Variants in ANKMY1 observed in about 807,000 individuals in gnomAD.
ANKMY1 encodes ankyrin repeat and MYND domain containing 1.
Under a neutral mutation model 102.0 loss-of-function variants are expected in ANKMY1, and 98 were observed. That is an observed-to-expected ratio of 0.96 (90% CI 0.82 to 1.14). The LOEUF is 1.14. Ranked by LOEUF, ANKMY1 falls within the 50% of genes most tolerant of loss-of-function variation. ANKMY1 has a pLI of 0.00. For synonymous variants in ANKMY1, 582 were observed against 559.9 expected, an observed-to-expected ratio of 1.04 and a Z score of -0.56; for missense variants, 1,330 against 1,347.6, an observed-to-expected ratio of 0.99 and a Z score of 0.20.
chr2:240,520,391 C>A lies in ANKMY1; in HGVS notation c.1975G>T (p.Ala659Ser), dbSNP rs528225325. Residue 659 changes from alanine (A) to serine (S), a missense_variant, in exon 9 of 18, where the codon GCG (alanine) becomes TCG (serine). By Grantham distance (99) the Ala-to-Ser change is moderately conservative. Coordinates refer to ENST00000401804, the MANE Select transcript of ANKMY1 (RefSeq NM_001282771.3). This position sits in a 1 kb window ranked among gnomAD's most constrained non-coding sequence, Gnocchi z 4.8. ...GGCGGAAAGCAGATGTCGGTCCTCG[C>A]CCCGTGCTCCAGCAGCAGCCTCACC... ...DGVRLLLEHG[A>S]RTDICFPPQL... is the part of the protein sequence containing the mutation. 3.8e-6 allele frequency: 6 copies of A among 1,585,882 alleles called. No individual in the cohort carries two copies. The highest frequency in any genetic ancestry group is 1.1e-5 in the South Asian group (1 of 87,762).
Position 240,523,873 on chromosome 2 carries a change from G to A in ANKMY1, c.1832+12C>T. 1.2e-6 allele frequency: 2 copies of A among 1,606,954 alleles called. No individual in the cohort carries two copies. The highest frequency in any genetic ancestry group is 2.2e-5 in the South Asian group (2 of 90,866). ...TGGCCCTCCACCCCCACCAGCTGGT[G>A]CCAGGACCTACTCGATCATGGACAG... On this transcript the variant is annotated intron_variant, in intron 8 of 17. Coordinates refer to ENST00000401804, the MANE Select transcript of ANKMY1 (RefSeq NM_001282771.3).
rs763041121 is a variant in ANKMY1, at chr2:240,520,404, C to G, written c.1962G>C (p.Leu654=). The G allele has an allele frequency of 1.3e-5, 21 of 1,600,140 alleles. No individual in the cohort carries two copies. The Admixed American group carries it at 3.6e-4, about 28-fold the overall frequency. The change falls in exon 9 of 18, where the codon CTG becomes CTC. Residue 654 remains leucine (L), a synonymous_variant. Coordinates refer to ENST00000401804, the MANE Select transcript of ANKMY1 (RefSeq NM_001282771.3). The surrounding 1 kb of genome is among the most constrained non-coding windows in gnomAD (Gnocchi z 4.8). ...KAGDVDGVRL[L]LEHGARTDIC... ...TGTCGGTCCTCGCCCCGTGCTCCAG[C>G]AGCAGCCTCACCCCATCCACGTCCC...
At chr2:240,483,836 G>A (rs975532116) in intron 15 of ANKMY1, among the ~76,000 whole-genome samples, 2 of 151,758 alleles carry the variant, frequency 1.3e-5, no homozygotes, top group Non-Finnish European at 2.9e-5. Flanking sequence ...TCCTCCCCTA[G>A]CCCCCCACCC....
At chr2:240,485,761 A>T (rs2075986534) in intron 15 of ANKMY1, among the ~76,000 whole-genome samples, 1 of 151,768 alleles carries the variant, frequency 6.6e-6, no homozygotes, top group African/African-American at 2.4e-5. Flanking sequence ...GGCTCATTTT[A>T]AAAAAAATTT....
intron 11 of ANKMY1, among the ~76,000 whole-genome samples, chr2:240,510,468 C>T (rs1399760615): frequency 1.3e-5 from 2 of 152,232 alleles, no homozygotes; most frequent in Middle Eastern, 3.4e-3. Flanking sequence ...CCTCTTCTCC[C>T]AGAAGTGTTC....
At chr2:240,559,674 T>C (rs1250596203), upstream of ANKMY1, among the ~76,000 whole-genome samples, 1 of 152,204 alleles carries the variant, frequency 6.6e-6, no homozygotes, top group Non-Finnish European at 1.5e-5. Context: ...AAACAGATGC[T>C]GATAAGACCT....
Position 240,529,565 on chromosome 2 carries a change from G to T in ANKMY1, c.481-56C>A. On this transcript the variant is annotated intron_variant, in intron 4 of 17. Transcript: ENST00000401804. The surrounding 1 kb of genome is among the most constrained non-coding windows in gnomAD (Gnocchi z 4.2). ...GATAACGCGACCCAGCTGCACATGT[G>T]ATCATGTTTGTAACGTCAAAAGAAA... 6.9e-7 allele frequency: 1 copy of T among 1,456,394 alleles called. No homozygotes were observed. Among genetic ancestry groups the T allele is most frequent in the South Asian group, 1.3e-5 (1 of 75,102 alleles). 90.2% of individuals were successfully genotyped at this position (1,456,394 alleles called of 1,614,324 possible).
chr2:240,503,531 G>C (rs889141503), intron 13 of ANKMY1, among the ~76,000 whole-genome samples: 1 of 152,192 alleles, frequency 6.6e-6, no homozygotes, highest in Admixed American at 6.5e-5. Flanking sequence ...GTCAAGGTTC[G>C]AGCTTCACGC....
chr2:240,557,201 G>A lies in ANKMY1; in HGVS notation c.135C>T (p.Val45=), dbSNP rs1388329434. The part of the protein sequence containing the change: ...EEPGSLKNYA[V]FATRDVSAAP... ...AGGGTCCCCCGCACCTTGTGGCGAA[G>A]ACAGCGTAGTTCTTCAGGGACCCCG... Residue 45 remains valine, a synonymous_variant, in exon 2 of 18, where the codon GTC becomes GTT. Transcript: ENST00000401804. 6.5e-7 allele frequency: 1 copy of A among 1,547,470 alleles called. No homozygotes were observed. The highest frequency in any genetic ancestry group is 2.4e-5 in the East Asian group (1 of 41,372).
At chr2:240,497,357 A>C (rs949995203) in intron 15 of ANKMY1, among the ~76,000 whole-genome samples, 2 of 152,196 alleles carry the variant, frequency 1.3e-5, no homozygotes, top group African/African-American at 4.8e-5. Flanking sequence ...TGGGGGCAGG[A>C]TGAGAATTAT....
At chr2:240,485,244 C>T (rs1051292510) in intron 15 of ANKMY1, among the ~76,000 whole-genome samples, 6 of 151,264 alleles carry the variant, frequency 4.0e-5, no homozygotes, top group Middle Eastern at 3.4e-3. Context: ...AGGGGAATGG[C>T]GTGAACCCGG....
At chr2:240,510,636 G>A (rs2079992887) in intron 11 of ANKMY1, among the ~76,000 whole-genome samples, 1 of 152,122 alleles carries the variant, frequency 6.6e-6, no homozygotes, top group Non-Finnish European at 1.5e-5. Flanking sequence ...CTTTCCCGCA[G>A]TCTTGCTGGC....
In ANKMY1 at chr2:240,520,325, T is replaced by TGCGCTCGTCCCG; in HGVS notation, c.2004+25_2004+36dup. ...TCCCGGCCAGTGCCCGGGAGTCTGC[T>TGCGCTCGTCCCG]GCGCTCGTCCCGGCGCCCGCCCGCC... On this transcript the variant is annotated intron_variant, in intron 9 of 17. Transcript: ENST00000401804. The surrounding 1 kb of genome is among the most constrained non-coding windows in gnomAD (Gnocchi z 4.8). 3.3e-6 allele frequency: 5 copies of TGCGCTCGTCCCG among 1,507,836 alleles called. No homozygotes were observed. The highest frequency in any genetic ancestry group is 4.5e-6 in the Non-Finnish European group (5 of 1,122,870). The allele number at this position is 1,507,836 out of a possible 1,614,324, so 93.4% of individuals were successfully genotyped here.
intron 17 of ANKMY1, 48 bp downstream of exon 17, chr2:240,480,889 C>T: frequency 1.3e-6 from 2 of 1,582,942 alleles, no homozygotes; most frequent in Non-Finnish European, 8.6e-7. Context: ...GCGCCTTCGC[C>T]CTCAGCAGCA....
rs767926640 is a variant in ANKMY1 at position 240,523,729 on chromosome 2, C to T, written c.1832+156G>A. 3.0e-4 allele frequency: 378 copies of T among 1,257,402 alleles called. 1 individual carries two copies. Among genetic ancestry groups the T allele is most frequent in the Non-Finnish European group, 3.7e-4 (342 of 931,686 alleles). The allele number at this position is 1,257,402 out of a possible 1,614,324, so 77.9% of individuals were successfully genotyped here. On this transcript the variant is annotated intron_variant, in intron 8 of 17. Transcript: ENST00000401804. ...GGCACCCCCACAGGGCTGGCCATGG[C>T]GTGGAGCCACCGACACAGGGATGCT...
At chr2:240,545,176 T>C (rs2090054461) in intron 4 of ANKMY1, among the ~76,000 whole-genome samples, 1 of 152,250 alleles carries the variant, frequency 6.6e-6, no homozygotes, top group Non-Finnish European at 1.5e-5. Flanking sequence ...ACGGGCAGAC[T>C]GCCTTCTCAA....
intron 15 of ANKMY1, among the ~76,000 whole-genome samples, chr2:240,491,747 T>G (rs1274768240): frequency 6.6e-6 from 1 of 152,220 alleles, no homozygotes; most frequent in Non-Finnish European, 1.5e-5. Flanking sequence ...CCCATTCTCT[T>G]ATGGCCTGTA....
chr2:240,532,041 CAGAG>C (rs1211658266), intron 4 of ANKMY1: 1 of 456,474 alleles, frequency 2.2e-6, no homozygotes, highest in Non-Finnish European at 4.5e-6. Flanking sequence ...ATTCGAGTAC[CAGAG>C]AGAGAGGAGA....
chr2:240,552,070 C>T (rs1345458299), intron 4 of ANKMY1, among the ~76,000 whole-genome samples: 5 of 152,312 alleles, frequency 3.3e-5, no homozygotes, highest in African/African-American at 4.8e-5. Flanking sequence ...CTTTCTCACA[C>T]ATTATTACAT....
Sources: gnomAD v4.1 joint callset for allele counts (sites outside exome capture counted in the v4.1 genomes callset) on GRCh38, gnomAD v4.1.1 for gene constraint, Gnocchi (gnomAD v3.1) non-coding constraint, MANE v1.5 for transcripts, NCBI Gene and HGNC (gene_info 2026-07-23, HGNC 2026-07-21) for gene names.